Variants in NLRC5 observed in about 807,000 individuals in gnomAD.
NLRC5 encodes protein NLRC5.
NLRC5 carries 114 observed loss-of-function variants against 206.9 expected under a neutral mutation model. That is an observed-to-expected ratio of 0.55 (90% CI 0.47 to 0.64). The LOEUF is 0.64. NLRC5 is among the 30% of genes least tolerant of loss of function. The pLI is 0.00. For missense variants in NLRC5, 2,008 were observed against 2,305.5 expected, an observed-to-expected ratio of 0.87 and a Z score of 2.64; for synonymous variants, 952 against 962.8, an observed-to-expected ratio of 0.99 and a Z score of 0.21.
At chr16:57,057,098 G>T (rs1310149990) in intron 27 of NLRC5, among the ~76,000 whole-genome samples, 1 of 152,290 alleles carries the variant, frequency 6.6e-6, no homozygotes, top group African/African-American at 2.4e-5. Flanking sequence ...GATGTTCCGG[G>T]ACACACTGGT....
chr16:56,994,586 C>T (rs8059595), intron 1 of NLRC5, among the ~76,000 whole-genome samples: 8,580 of 152,046 alleles, frequency 0.056, 329 homozygotes, highest in South Asian at 0.17. Context: ...GCAAGGCAGG[C>T]GAGGGTGGAG....
At chr16:57,018,414 T>C (rs1345218826) in intron 2 of NLRC5, among the ~76,000 whole-genome samples, 9 of 152,224 alleles carry the variant, frequency 5.9e-5, no homozygotes, top group African/African-American at 1.9e-4. Context: ...TTGGCCATGG[T>C]CTTTCCGTCT....
intron 36 of NLRC5, 112 bp downstream of exon 36, chr16:57,067,940 T>C: frequency 1.2e-6 from 1 of 837,866 alleles, no homozygotes; most frequent in South Asian, 1.5e-5. Flanking sequence ...TCTTACTCTG[T>C]GGACACAAAC....
At chr16:57,029,670 C>T in intron 8 of NLRC5, 103 bp from the exon 9 acceptor site, 1 of 916,164 alleles carries the variant, frequency 1.1e-6, no homozygotes, top group Non-Finnish European at 1.8e-6. Context: ...GGGCCCCTGT[C>T]TTATGTCTCC....
At chr16:57,044,423 A>C (rs2063685164) in intron 20 of NLRC5, among the ~76,000 whole-genome samples, 1 of 152,174 alleles carries the variant, frequency 6.6e-6, no homozygotes, top group Non-Finnish European at 1.5e-5. Flanking sequence ...CAGCCAGCCA[A>C]GCCACCCCAG....
At chr16:57,021,379 G>A (rs2060655141) in intron 3 of NLRC5, among the ~76,000 whole-genome samples, 1 of 152,046 alleles carries the variant, frequency 6.6e-6, no homozygotes, top group East Asian at 1.9e-4. Flanking sequence ...TTATTTTTGA[G>A]ACAAGGTCTT....
At chr16:57,038,764 GTC>G (rs769872012) in intron 15 of NLRC5, among the ~76,000 whole-genome samples, 3 of 151,576 alleles carry the variant, frequency 2.0e-5, no homozygotes, top group Admixed American at 6.6e-5. Context: ...ATGAAACCCC[GTC>G]TCTACTAAAA....
rs192115112 is a variant in NLRC5 at position 57,037,217 on chromosome 16, G to A, written c.2734G>A (p.Val912Met). 6.2e-7 allele frequency: 1 copy of A among 1,613,824 alleles called. No homozygotes were observed. The highest frequency in any genetic ancestry group is 8.5e-7 in the Non-Finnish European group (1 of 1,179,964). ...KLDLSNNGLS[V>M]AGVHCVLRAV... Reference sequence around the variant, plus strand: ...CAGCCTCAGTAACAACGGGCTTTCTGTGGCCGGGGTGCATTGTGTGCTGAG... The same window carrying A: ...CAGCCTCAGTAACAACGGGCTTTCTATGGCCGGGGTGCATTGTGTGCTGAG... Residue 912 changes from valine (V) to methionine (M), a missense_variant, in exon 15 of 49, where the codon GTG becomes ATG. Physicochemically the swap from Val to Met is conservative, Grantham distance 21. Coordinates refer to ENST00000688547, the MANE Select transcript of NLRC5 (RefSeq NM_001384950.1).
At chr16:57,029,038 C>T (rs1309071475) in intron 8 of NLRC5, among the ~76,000 whole-genome samples, 1 of 152,148 alleles carries the variant, frequency 6.6e-6, no homozygotes, top group Non-Finnish European at 1.5e-5. Flanking sequence ...ACCACTTCAT[C>T]CACACAGATG....
intron 1 of NLRC5, among the ~76,000 whole-genome samples, chr16:57,004,934 CTCTG>C (rs1435386294): frequency 2.0e-5 from 3 of 152,296 alleles, no homozygotes; most frequent in Admixed American, 2.0e-4. Context: ...TTTTCCCTCT[CTCTG>C]TCTGAACTGG....
Position 57,078,019 on chromosome 16 carries a change from C to G in NLRC5, c.5080C>G (p.His1694Asp). 6.3e-7 allele frequency: 1 copy of G among 1,595,504 alleles called. No homozygotes were observed. The highest frequency in any genetic ancestry group is 8.6e-7 in the Non-Finnish European group (1 of 1,167,548). The change falls in exon 43 of 49, where the codon CAC becomes GAC. Residue 1694 changes from histidine (H) to aspartate (D), a missense_variant and splice_region_variant. By Grantham distance (81) the His-to-Asp change is moderately conservative. Coordinates refer to ENST00000688547, the MANE Select transcript of NLRC5 (RefSeq NM_001384950.1). ...QELPQHLRVL[H>D]LPFSHLGPGG... ...GCTGCCCCAGCACCTGAGGGTCCTACAGTGAGTGGCCCCCTGCCCATACCA... is the reference window on the plus strand; with the variant it reads ...GCTGCCCCAGCACCTGAGGGTCCTAGAGTGAGTGGCCCCCTGCCCATACCA...
At chr16:57,078,082 G>GA (rs1251963025) in intron 43 of NLRC5, 62 bp downstream of exon 43, 1 of 1,283,078 alleles carries the variant, frequency 7.8e-7, no homozygotes, top group Non-Finnish European at 1.0e-6. Flanking sequence ...CGGGAGCAGT[G>GA]GGGGGGTCCA....
intron 14 of NLRC5, among the ~76,000 whole-genome samples, chr16:57,036,532 G>A (rs182575571): frequency 1.3e-5 from 2 of 152,218 alleles, no homozygotes; most frequent in Admixed American, 1.3e-4. Flanking sequence ...TGTCATGCTG[G>A]GGTGCTAGGG....
chr16:57,028,428 C>T (rs768915120), intron 8 of NLRC5, 43 bp downstream of exon 8: 2 of 1,496,528 alleles, frequency 1.3e-6, no homozygotes, highest in Middle Eastern at 1.7e-4. Context: ...GGAGATGAGC[C>T]ACTGCCCAGG....
At chr16:57,035,039 G>GT (rs1332228246) in intron 13 of NLRC5, 2 of 152,192 alleles carry the variant, frequency 1.3e-5, no homozygotes, top group Admixed American at 6.5e-5. Flanking sequence ...TTAGAAGGTG[G>GT]TTTTTTAACA....
At chr16:57,015,925 C>CAAAAA (rs35216159) in intron 1 of NLRC5, among the ~76,000 whole-genome samples, 32 of 39,510 alleles carry the variant, frequency 8.1e-4, no homozygotes, top group African/African-American at 1.0e-3. Flanking sequence ...AACTCCATCT[C>CAAAAA]AAAAAAAAAA....
chr16:57,003,987 A>G (rs1029693663), intron 1 of NLRC5: 1 of 152,254 alleles, frequency 6.6e-6, no homozygotes, highest in African/African-American at 2.4e-5. Flanking sequence ...GCACTGAGAG[A>G]AGCTGACGGG....
At chr16:57,077,667 G>T in intron 41 of NLRC5, 52 bp from the exon 42 acceptor site, 19 of 1,511,292 alleles carry the variant, frequency 1.3e-5, no homozygotes, top group Non-Finnish European at 1.5e-5. Context: ...ATGTGCTGGG[G>T]TGTCGGGGAG....
chr16:57,046,983 C>T (rs900911278), intron 22 of NLRC5, among the ~76,000 whole-genome samples: 1 of 152,180 alleles, frequency 6.6e-6, no homozygotes, highest in Non-Finnish European at 1.5e-5. Context: ...GGCCTGTCTC[C>T]CCACTAATAC....
Sources: gnomAD v4.1 joint callset for allele counts (sites outside exome capture counted in the v4.1 genomes callset) on GRCh38, gnomAD v4.1.1 for gene constraint, MANE v1.5 for transcripts, NCBI Gene and HGNC (gene_info 2026-07-23, HGNC 2026-07-21) for gene names.